The following IL1RAPL1 variants were observed in gnomAD, a reference collection of about 807,000 sequenced individuals.
IL1RAPL1 encodes the protein interleukin-1 receptor accessory protein-like 1.
A neutral mutation model predicts 48.4 loss-of-function variants in IL1RAPL1; 3 were observed. The observed-to-expected ratio is 0.06, with a 90% CI of 0.03 to 0.16. The LOEUF (loss-of-function observed/expected upper bound fraction) is 0.16, where lower values mean the gene tolerates loss of function less well. Ranked by LOEUF, IL1RAPL1 falls within the 10% of genes least tolerant of loss-of-function variation. The pLI, the probability that IL1RAPL1 is intolerant of heterozygous loss-of-function variation, is 1.00. For synonymous variants in IL1RAPL1, 185 were observed against 187.7 expected, an observed-to-expected ratio of 0.99 and a Z score of 0.12; for missense variants, 349 against 530.6, an observed-to-expected ratio of 0.66 and a Z score of 3.36.
intron 6 of IL1RAPL1, among the ~76,000 whole-genome samples, chrX:29,681,833 T>C (rs1030740843): frequency 9.0e-6 from 1 of 111,347 alleles, no homozygotes; most frequent in Non-Finnish European, 1.9e-5. Flanking sequence ...TTAGAATTTT[T>C]AGTAGATAAT....
chrX:28,759,739 C>T (rs1049926490), intron 1 of IL1RAPL1, among the ~76,000 whole-genome samples: 5 of 111,324 alleles, frequency 4.5e-5, no homozygotes, highest in East Asian at 2.8e-4. Flanking sequence ...TAAAATGGTA[C>T]GAAATGATCA....
chrX:28,614,562 G>A (rs757477970), intron 1 of IL1RAPL1, among the ~76,000 whole-genome samples: 27 of 111,436 alleles, frequency 2.4e-4, no homozygotes, highest in African/African-American at 4.6e-4. Context: ...CATGTTCAGT[G>A]CAAGTGTGTT....
chrX:29,216,180 GTTTTGTT>G (rs769048753), intron 2 of IL1RAPL1, among the ~76,000 whole-genome samples: 53 of 110,616 alleles, frequency 4.8e-4, no homozygotes, highest in African/African-American at 1.7e-3. Flanking sequence ...TGTTGTTGTT[GTTTTGTT>G]TTTTGTTTTT....
chrX:29,020,163 A>G (rs560004784), intron 2 of IL1RAPL1, among the ~76,000 whole-genome samples: 1 of 112,553 alleles, frequency 8.9e-6, no homozygotes, highest in African/African-American at 3.2e-5. Context: ...TAATAAGTGA[A>G]TGAGTGTGTT....
At chrX:29,500,156 T>A (rs1182696187) in intron 5 of IL1RAPL1, among the ~76,000 whole-genome samples, 1 of 110,469 alleles carries the variant, frequency 9.1e-6, no homozygotes, top group Non-Finnish European at 1.9e-5. Context: ...TTTTTTTGTA[T>A]TTTTAGTAGA....
chrX:28,792,514 G>A (rs1206872030), intron 2 of IL1RAPL1, among the ~76,000 whole-genome samples: 4 of 95,813 alleles, frequency 4.2e-5, no homozygotes, highest in Non-Finnish European at 6.4e-5. Context: ...CAGGCCGGGC[G>A]CGTTGGCTCA....
intron 6 of IL1RAPL1, among the ~76,000 whole-genome samples, chrX:29,837,340 G>T (rs1441218669): frequency 1.0e-5 from 1 of 98,704 alleles, no homozygotes; most frequent in East Asian, 3.2e-4. Flanking sequence ...CGGAGAGAAG[G>T]TGAAGAGTTG....
At chrX:28,928,746 A>G (rs972464930) in intron 2 of IL1RAPL1, among the ~76,000 whole-genome samples, 1 of 111,951 alleles carries the variant, frequency 8.9e-6, no homozygotes, top group Non-Finnish European at 1.9e-5. Flanking sequence ...TCAACCTATT[A>G]CAGTTGTCAG....
At chrX:29,272,287 C>T (rs769401502) in intron 2 of IL1RAPL1, among the ~76,000 whole-genome samples, 4 of 111,552 alleles carry the variant, frequency 3.6e-5, no homozygotes, top group Non-Finnish European at 7.5e-5. Context: ...CAGTGCCATG[C>T]TGTTTTGGTT....
At chrX:28,910,100 G>T (rs1029086307) in intron 2 of IL1RAPL1, among the ~76,000 whole-genome samples, 9 of 111,310 alleles carry the variant, frequency 8.1e-5, no homozygotes, top group African/African-American at 2.9e-4. Flanking sequence ...TCTTCATTTC[G>T]TGAAGTCTGA....
At chrX:29,692,274 T>G (rs1926794002) in intron 6 of IL1RAPL1, among the ~76,000 whole-genome samples, 1 of 112,000 alleles carries the variant, frequency 8.9e-6, no homozygotes, top group Non-Finnish European at 1.9e-5. Flanking sequence ...TGTTGACTTC[T>G]CAGTACTGTA....
At chrX:29,696,666 T>A (rs1926921120) in intron 6 of IL1RAPL1, among the ~76,000 whole-genome samples, 1 of 111,853 alleles carries the variant, frequency 8.9e-6, no homozygotes, top group Non-Finnish European at 1.9e-5. Flanking sequence ...CCGCAGTTGG[T>A]CAACATGAGC....
chrX:29,523,423 G>A (rs906105840), intron 5 of IL1RAPL1, among the ~76,000 whole-genome samples: 1 of 111,640 alleles, frequency 9.0e-6, no homozygotes, highest in Non-Finnish European at 1.9e-5. Flanking sequence ...TGAGCCTAAA[G>A]CATTTAAATT....
At chrX:29,758,785 C>CAAAACAAAACAAA (rs958689364) in intron 6 of IL1RAPL1, among the ~76,000 whole-genome samples, 1 of 110,264 alleles carries the variant, frequency 9.1e-6, no homozygotes, top group Non-Finnish European at 1.9e-5. Flanking sequence ...ATGTAAAAAA[C>CAAAACAAAACAAA]AAAACAAAAC....
intron 5 of IL1RAPL1, among the ~76,000 whole-genome samples, chrX:29,547,176 C>CG (rs1161245668): frequency 8.9e-6 from 1 of 111,747 alleles, no homozygotes; most frequent in African/African-American, 3.2e-5. Flanking sequence ...AAAATCACCT[C>CG]TTCAATTAAA....
chrX:29,770,414 C>T (rs2147150989), intron 6 of IL1RAPL1, among the ~76,000 whole-genome samples: 1 of 111,618 alleles, frequency 9.0e-6, no homozygotes, highest in East Asian at 2.8e-4. Context: ...AAAGTACATA[C>T]TAGCTGAGAA....
intron 2 of IL1RAPL1, among the ~76,000 whole-genome samples, chrX:29,119,988 G>C (rs915304561): frequency 2.7e-5 from 3 of 111,077 alleles, no homozygotes; most frequent in Admixed American, 9.6e-5. Flanking sequence ...ATTCTACAGG[G>C]GCATAGGGAA....
At chrX:29,252,306 C>A (rs190490345) in intron 2 of IL1RAPL1, among the ~76,000 whole-genome samples, 4 of 112,758 alleles carry the variant, frequency 3.5e-5, no homozygotes, top group Admixed American at 9.2e-5. Context: ...AAAATCAGGG[C>A]CATAGAGAAA....
Position 29,335,303 on chromosome X carries a change from GA to G in IL1RAPL1, c.362+52087del, listed in dbSNP as rs1418814510. The stretch of plus-strand genomic sequence containing the variant: ...AGGGGAGAGGGGAGAGGGGAGAGGG[GA>G]GAGGGGAGAGGGGAGAGGGGAGAGG... On this transcript the variant is annotated intron_variant, in intron 3 of 10. Transcript: ENST00000378993. Among the ~76,000 whole-genome samples, 30 of 3,100 alleles carry G rather than the reference GA, an allele frequency of 9.7e-3. 7 individuals carry two copies. Among genetic ancestry groups the G allele is most frequent in the Non-Finnish European group, 0.051 (22 of 433 alleles). 2.7% of individuals were successfully genotyped at this position (3,100 alleles called of 115,157 possible). A position where few individuals can be genotyped will look rare whatever the true frequency, so the allele number is the denominator to read the frequency against.
Sources: gnomAD v4.1 joint callset for allele counts (sites outside exome capture counted in the v4.1 genomes callset) on GRCh38, gnomAD v4.1.1 for gene constraint, MANE v1.5 for transcripts, NCBI Gene and HGNC (gene_info 2026-07-23, HGNC 2026-07-21) for gene names.